GIPC2: variants seen among roughly 807,000 people sequenced by gnomAD.
The protein encoded by GIPC2 is PDZ domain-containing protein GIPC2.
In GIPC2, 30 loss-of-function variants were observed where a neutral mutation model predicts 30.6. The observed-to-expected ratio is 0.98, with a 90% CI of 0.73 to 1.33. GIPC2 has a LOEUF of 1.33. GIPC2 is among the 40% of genes most tolerant of loss of function. GIPC2 has a pLI of 0.00. For missense variants in GIPC2, 414 were observed against 390.3 expected (o/e 1.06, Z -0.51); for synonymous variants, 167 against 150.0 (o/e 1.11, Z -0.83).
At chr1:78,129,149 A>G (rs1470592559) in intron 5 of GIPC2, among the ~76,000 whole-genome samples, 1 of 152,220 alleles carries the variant, frequency 6.6e-6, no homozygotes, top group African/African-American at 2.4e-5. Flanking sequence ...AGTTATCTGT[A>G]ACAAATTCCT....
intron 2 of GIPC2, chr1:78,091,405 G>C (rs1571501315): frequency 1.9e-6 from 1 of 533,346 alleles, no homozygotes; most frequent in East Asian, 3.3e-5. Context: ...AGGGAGAGTG[G>C]AGCCGATAAG....
At chr1:78,123,513 A>C (rs1490559257) in intron 4 of GIPC2, among the ~76,000 whole-genome samples, 1 of 152,046 alleles carries the variant, frequency 6.6e-6, no homozygotes, top group African/African-American at 2.4e-5. Context: ...AAGAATTATG[A>C]GGGGAGTAAC....
At position 78,046,345 on chromosome 1, in the gene GIPC2, A is replaced by G. The variant is rs780313090; in HGVS notation, c.240+11A>G. 3 of 1,602,122 alleles carry G rather than the reference A, an allele frequency of 1.9e-6. No individual in the cohort carries two copies. In the South Asian group the frequency reaches 3.3e-5, roughly 18 times the overall value. ...ATCTCGCCGTCGGAGGTAAGGCGCCAGGTGCTCAGGCTCTCCCGCCTCTCC... is the reference window on the plus strand; with the variant it reads ...ATCTCGCCGTCGGAGGTAAGGCGCCGGGTGCTCAGGCTCTCCCGCCTCTCC... On this transcript the variant is annotated intron_variant, in intron 1 of 5. Coordinates refer to ENST00000370759, the MANE Select transcript of GIPC2 (RefSeq NM_017655.6).
intron 1 of GIPC2, among the ~76,000 whole-genome samples, chr1:78,067,020 G>A (rs1424686534): frequency 1.3e-5 from 2 of 152,076 alleles, no homozygotes; most frequent in African/African-American, 2.4e-5. Flanking sequence ...CATGTACCCC[G>A]AACTTTAAAT....
At chr1:78,095,527 A>G (rs924281322) in intron 3 of GIPC2, among the ~76,000 whole-genome samples, 3 of 152,220 alleles carry the variant, frequency 2.0e-5, no homozygotes, top group Non-Finnish European at 4.4e-5. Flanking sequence ...AATTATAGTT[A>G]TATACAGAAT....
Position 78,123,012 on chromosome 1 carries a change from A to T in GIPC2, c.715-2869A>T, listed in dbSNP as rs190190560. Among the ~76,000 whole-genome samples the T allele has an allele frequency of 3.9e-3, 593 of 152,084 alleles. 3 individuals carry two copies. Among genetic ancestry groups the T allele is most frequent in the African/African-American group, 0.014 (569 of 41,522 alleles). On this transcript the variant is annotated intron_variant, in intron 4 of 5. Transcript: ENST00000370759. Reference sequence around the variant, plus strand: ...CAGTAGCTCACGCCTGTAATCCCAGAACTTTGGAAGACTGATGTGGGTGGG... The same window carrying T: ...CAGTAGCTCACGCCTGTAATCCCAGTACTTTGGAAGACTGATGTGGGTGGG...
intron 1 of GIPC2, among the ~76,000 whole-genome samples, chr1:78,057,702 T>C (rs1340335648): frequency 3.3e-5 from 5 of 152,226 alleles, no homozygotes. Flanking sequence ...GGAAGGTAGA[T>C]AATTTAGGCA....
At chr1:78,067,134 G>A (rs1661527006) in intron 1 of GIPC2, among the ~76,000 whole-genome samples, 1 of 151,838 alleles carries the variant, frequency 6.6e-6, no homozygotes, top group African/African-American at 2.4e-5. Context: ...CTATTTGACA[G>A]GTTTATAGAG....
intron 5 of GIPC2, among the ~76,000 whole-genome samples, chr1:78,127,821 C>T (rs1156635499): frequency 1.3e-5 from 2 of 152,170 alleles, no homozygotes; most frequent in Non-Finnish European, 1.5e-5. Flanking sequence ...TCCCACGTAG[C>T]TAGGACCACA....
chr1:78,047,940 A>C (rs12140633), intron 1 of GIPC2, among the ~76,000 whole-genome samples: 1 of 152,154 alleles, frequency 6.6e-6, no homozygotes, highest in African/African-American at 2.4e-5. Flanking sequence ...GCTTGTTAGC[A>C]TACTTAACTG....
At chr1:78,077,554 T>G (rs941084129) in intron 1 of GIPC2, among the ~76,000 whole-genome samples, 9 of 152,218 alleles carry the variant, frequency 5.9e-5, no homozygotes, top group Non-Finnish European at 5.9e-5. Context: ...TTATATCTAC[T>G]GAATCAGTCA....
At chr1:78,132,259 G>A (rs890245360) in intron 5 of GIPC2, among the ~76,000 whole-genome samples, 8 of 152,164 alleles carry the variant, frequency 5.3e-5, no homozygotes, top group African/African-American at 1.9e-4. Context: ...AATGGGTGTA[G>A]GTATTATCAT....
At chr1:78,053,186 C>T (rs1661225609) in intron 1 of GIPC2, among the ~76,000 whole-genome samples, 1 of 152,132 alleles carries the variant, frequency 6.6e-6, no homozygotes, top group Non-Finnish European at 1.5e-5. Context: ...CTGGTAGGGG[C>T]CTTGGCACTT....
intron 1 of GIPC2, among the ~76,000 whole-genome samples, chr1:78,071,099 G>A (rs1661609191): frequency 6.6e-6 from 1 of 152,050 alleles, no homozygotes; most frequent in South Asian, 2.1e-4. Flanking sequence ...TGTAGCTATT[G>A]ACAAGATGAA....
chr1:78,049,088 G>A (rs1661148720), intron 1 of GIPC2, among the ~76,000 whole-genome samples: 1 of 152,226 alleles, frequency 6.6e-6, no homozygotes, highest in East Asian at 1.9e-4. Context: ...TGCACACCAA[G>A]GAGATTCCAT....
In GIPC2 at chr1:78,046,261, G is replaced by T. The variant is rs1245088021; in HGVS notation, c.167G>T (p.Arg56Leu). 1.9e-6 allele frequency: 3 copies of T among 1,611,358 alleles called. No individual in the cohort carries two copies. The highest frequency in any genetic ancestry group is 2.5e-6 in the Non-Finnish European group (3 of 1,179,262). The change falls in exon 1 of 6, where the codon CGA becomes CTA. Residue 56 changes from arginine (R) to leucine (L), a missense_variant. Arg to Leu is a moderately radical substitution (Grantham distance 102). Transcript: ENST00000370759. The part of the protein sequence containing the change: ...AQLAHGSATG[R>L]VEGFSSIQEL... ...CTGGCGCACGGTAGTGCCACGGGCCGAGTGGAGGGCTTCTCCAGCATCCAG... is the reference window on the plus strand; with the variant it reads ...CTGGCGCACGGTAGTGCCACGGGCCTAGTGGAGGGCTTCTCCAGCATCCAG...
At position 78,046,154 on chromosome 1, in the gene GIPC2, G is replaced by A. The variant is rs1437271107; in HGVS notation, c.60G>A (p.Val20=). The change falls in exon 1 of 6, where the codon GTG becomes GTA. Residue 20 remains valine (V), a synonymous_variant. Transcript: ENST00000370759. The stretch of plus-strand genomic sequence containing the variant: ...AGTCCAAGGAGACCGCCGGGCTGGT[G>A]GAGGGCGAGCCGACGGGCGCGGGCG... ...KAKSKETAGL[V]EGEPTGAGGG... 1.3e-6 allele frequency: 2 copies of A among 1,549,792 alleles called. No individual in the cohort carries two copies. Among genetic ancestry groups the A allele is most frequent in the South Asian group, 1.2e-5 (1 of 83,926 alleles).
chr1:78,135,112 A>G lies in GIPC2; in HGVS notation c.797-480A>G, dbSNP rs540725472. On this transcript the variant is annotated intron_variant, in intron 5 of 5. Coordinates refer to ENST00000370759, the MANE Select transcript of GIPC2 (RefSeq NM_017655.6). ...TCCCCAGCTTGACTGCTCCAGTGCAAGCTGTCATCCTTTGTCTTTTTGTCT... is the reference window on the plus strand; with the variant it reads ...TCCCCAGCTTGACTGCTCCAGTGCAGGCTGTCATCCTTTGTCTTTTTGTCT... Among the ~76,000 whole-genome samples the G allele has an allele frequency of 2.1e-4, 32 of 152,304 alleles. No homozygotes were observed. The South Asian group carries it at 6.4e-3, about 31-fold the overall frequency.
At chr1:78,125,129 C>G (rs1046469089) in intron 4 of GIPC2, among the ~76,000 whole-genome samples, 2 of 152,188 alleles carry the variant, frequency 1.3e-5, no homozygotes, top group Non-Finnish European at 2.9e-5. Flanking sequence ...ATCCTGGGCT[C>G]AAGTGATCTT....
Sources: allele counts gnomAD v4.1 joint callset (sites outside exome capture counted in the v4.1 genomes callset), GRCh38; gene constraint gnomAD v4.1.1; transcripts MANE v1.5; gene names NCBI Gene and HGNC (gene_info 2026-07-23, HGNC 2026-07-21).